Variants in LPP observed in about 807,000 individuals in gnomAD.
LPP encodes lipoma-preferred partner.
Under a neutral mutation model 60.4 loss-of-function variants are expected in LPP, and 38 were observed. The observed-to-expected ratio is 0.63, with a 90% CI of 0.49 to 0.83. The LOEUF (loss-of-function observed/expected upper bound fraction) is 0.83. Among genes scored for constraint, LPP ranks in the 40% least tolerant of loss-of-function variants. The pLI, the probability that LPP is intolerant of heterozygous loss-of-function variation, is 0.00. For synonymous variants in LPP, 328 were observed against 290.8 expected (o/e 1.13, Z -1.30); for missense variants, 902 against 783.6 (o/e 1.15, Z -1.80).
intron 5 of LPP, among the ~76,000 whole-genome samples, chr3:188,492,267 T>C (rs533605769): frequency 1.3e-5 from 2 of 152,356 alleles, no homozygotes; most frequent in South Asian, 4.1e-4. Context: ...TTGGTTCTTT[T>C]TGAGTCAGTG....
Position 188,253,793 on chromosome 3 carries a change from C to G in LPP, c.-67+28266C>G, listed in dbSNP as rs192229344. On this transcript the variant is annotated intron_variant, in intron 2 of 11. Transcript: ENST00000617246. ...AGAGATTATCTGTGCTTTCCCTCCC[C>G]TCAGTAAAACCTGTAATGCCCCTTC... Among the ~76,000 whole-genome samples, 5 of 152,270 alleles carry G rather than the reference C, an allele frequency of 3.3e-5. No individual in the cohort carries two copies. The East Asian group carries it at 9.6e-4, about 29-fold the overall frequency.
chr3:188,600,179 T>A (rs982622303), intron 6 of LPP, among the ~76,000 whole-genome samples: 14 of 148,890 alleles, frequency 9.4e-5, no homozygotes, highest in South Asian at 2.1e-4. Flanking sequence ...GCTTGGTTTT[T>A]AAAATAATGT....
intron 2 of LPP, among the ~76,000 whole-genome samples, chr3:188,306,473 G>C (rs1465447769): frequency 6.6e-6 from 1 of 152,140 alleles, no homozygotes; most frequent in East Asian, 1.9e-4. Context: ...TCAGTGTCCA[G>C]GATATGTTAG....
At chr3:188,817,844 G>T (rs985863152) in intron 9 of LPP, among the ~76,000 whole-genome samples, 22 of 152,184 alleles carry the variant, frequency 1.4e-4, no homozygotes, top group African/African-American at 5.3e-4. Context: ...CACCGCAAAG[G>T]AATGCAGCAA....
In LPP at chr3:188,885,766, G is replaced by C. The variant is rs1233603271; in HGVS notation, c.*11287G>C. On this transcript the variant is annotated 3_prime_UTR_variant, in exon 12 of 12. Coordinates refer to ENST00000617246, the MANE Select transcript of LPP (RefSeq NM_001375462.1). The stretch of plus-strand genomic sequence containing the variant: ...TCACAGTCCCACCAACAGTGTAAAA[G>C]TGTTCTTATTTCTCCACATCCTCTC... The C allele has an allele frequency of 2.0e-5, 3 of 152,190 alleles. No homozygotes were observed. The highest frequency in any genetic ancestry group is 7.2e-5 in the African/African-American group (3 of 41,428). 9.4% of individuals were successfully genotyped at this position (152,190 alleles called of 1,614,324 possible).
At chr3:188,258,179 G>A (rs1732301434) in intron 2 of LPP, among the ~76,000 whole-genome samples, 1 of 152,158 alleles carries the variant, frequency 6.6e-6, no homozygotes, top group South Asian at 2.1e-4. Context: ...TTGTGATTAG[G>A]GATTATTGTG....
intron 8 of LPP, among the ~76,000 whole-genome samples, chr3:188,749,717 T>C (rs1029092083): frequency 1.8e-4 from 27 of 152,252 alleles, no homozygotes; most frequent in African/African-American, 6.3e-4. Context: ...ATTTAGCTTT[T>C]AGTTATTATA....
At chr3:188,326,139 T>A (rs1758366260) in intron 2 of LPP, among the ~76,000 whole-genome samples, 1 of 152,208 alleles carries the variant, frequency 6.6e-6, no homozygotes, top group Non-Finnish European at 1.5e-5. Context: ...GGCACCTTGA[T>A]GATAACGAGT....
intron 7 of LPP, among the ~76,000 whole-genome samples, chr3:188,660,801 C>T (rs1012895965): frequency 9.9e-5 from 15 of 152,274 alleles, no homozygotes; most frequent in African/African-American, 2.9e-4. Flanking sequence ...ACATCTCTGA[C>T]GAGAGTGGCA....
At position 188,331,337 on chromosome 3, in the gene LPP, G is replaced by T. The variant is rs561060230; in HGVS notation, c.-66-10326G>T. On this transcript the variant is annotated intron_variant, in intron 2 of 11. Coordinates refer to ENST00000617246, the MANE Select transcript of LPP (RefSeq NM_001375462.1). ...AATGCAGACTCCCAGCCACTGCCAG[G>T]ATATCACATGTCTTCTCTGACAGAT... Among the ~76,000 whole-genome samples the T allele has an allele frequency of 3.9e-5, 6 of 152,222 alleles. 1 individual carries two copies. The South Asian group carries it at 1.2e-3, about 32-fold the overall frequency.
chr3:188,464,540 G>T (rs1799901811), intron 4 of LPP, among the ~76,000 whole-genome samples: 2 of 152,102 alleles, frequency 1.3e-5, no homozygotes, highest in South Asian at 4.1e-4. Flanking sequence ...AAGTAGTGAG[G>T]TGTACCTAAT....
chr3:188,350,469 C>T (rs749717344), intron 3 of LPP, among the ~76,000 whole-genome samples: 4 of 152,210 alleles, frequency 2.6e-5, no homozygotes, highest in Non-Finnish European at 4.4e-5. Context: ...TCAGGCATGG[C>T]TGAAGAACTG....
At chr3:188,320,750 T>A (rs564756678) in intron 2 of LPP, among the ~76,000 whole-genome samples, 8 of 152,326 alleles carry the variant, frequency 5.3e-5, no homozygotes, top group South Asian at 4.1e-4. Flanking sequence ...AGTAGCTTCA[T>A]GCACTGATGC....
intron 3 of LPP, among the ~76,000 whole-genome samples, chr3:188,384,005 C>G (rs1269369604): frequency 2.0e-5 from 3 of 152,174 alleles, no homozygotes; most frequent in East Asian, 3.9e-4. Context: ...TTACACGTTC[C>G]TCTCCTTAGA....
intron 1 of LPP, among the ~76,000 whole-genome samples, chr3:188,220,976 G>A (rs1715563341): frequency 6.6e-6 from 1 of 152,116 alleles, no homozygotes; most frequent in Non-Finnish European, 1.5e-5. Flanking sequence ...AAAGGGATAG[G>A]GCTACCATTT....
rs1018301600 is a variant in LPP at position 188,878,894 on chromosome 3, A to G, written c.*4415A>G. 1.4e-5 allele frequency: 3 copies of G among 220,392 alleles called. No individual in the cohort carries two copies. The highest frequency in any genetic ancestry group is 5.8e-5 in the Admixed American group (1 of 17,342). The allele number at this position is 220,392 out of a possible 1,614,324, so 13.7% of individuals were successfully genotyped here. A position where few individuals can be genotyped will look rare whatever the true frequency, so the allele number is the denominator to read the frequency against. The stretch of plus-strand genomic sequence containing the variant: ...GTCTTTAAATGAGTAAAACATTTTT[A>G]TGCCAGAAGGTGATATAATGGATGT... On this transcript the variant is annotated 3_prime_UTR_variant, in exon 12 of 12. Coordinates refer to ENST00000617246, the MANE Select transcript of LPP (RefSeq NM_001375462.1).
chr3:188,773,446 T>G (rs1413940556), intron 9 of LPP, among the ~76,000 whole-genome samples: 1 of 152,114 alleles, frequency 6.6e-6, no homozygotes, highest in Non-Finnish European at 1.5e-5. Flanking sequence ...ATGCCTTGCT[T>G]GGGATATTGC....
At chr3:188,211,544 A>G (rs1428822196) in intron 1 of LPP, among the ~76,000 whole-genome samples, 3 of 152,152 alleles carry the variant, frequency 2.0e-5, no homozygotes, top group Non-Finnish European at 4.4e-5. Flanking sequence ...CTCCTCCTTT[A>G]ATTCAGTCTG....
chr3:188,405,775 T>C (rs1352032377), intron 3 of LPP, among the ~76,000 whole-genome samples: 1 of 152,244 alleles, frequency 6.6e-6, no homozygotes, highest in African/African-American at 2.4e-5. Flanking sequence ...AACCATTTCT[T>C]ATTCATATCT....
Sources: gnomAD v4.1 joint callset for allele counts (sites outside exome capture counted in the v4.1 genomes callset) on GRCh38, gnomAD v4.1.1 for gene constraint, MANE v1.5 for transcripts, NCBI Gene and HGNC (gene_info 2026-07-23, HGNC 2026-07-21) for gene names.